Variants in COP1 observed in about 807,000 individuals in gnomAD.
COP1 encodes E3 ubiquitin-protein ligase COP1.
COP1 carries 24 observed loss-of-function variants against 101.3 expected under a neutral mutation model. The observed-to-expected ratio is 0.24, with a 90% CI of 0.17 to 0.33. COP1 has a LOEUF of 0.33. Among genes scored for constraint, COP1 ranks in the 10% least tolerant of loss-of-function variants. The pLI, the probability that COP1 is intolerant of heterozygous loss-of-function variation, is 1.00. For synonymous variants in COP1, 347 were observed against 341.9 expected, an observed-to-expected ratio of 1.01 and a Z score of -0.17; for missense variants, 663 against 906.2, an observed-to-expected ratio of 0.73 and a Z score of 3.45.
chr1:176,078,278 C>T (rs1307694306), intron 11 of COP1, among the ~76,000 whole-genome samples: 4 of 151,934 alleles, frequency 2.6e-5, no homozygotes, highest in Non-Finnish European at 5.9e-5. Flanking sequence ...AACAGTATGG[C>T]ACTGGTAGGT....
chr1:176,172,609 C>A (rs1197144630), intron 3 of COP1, among the ~76,000 whole-genome samples: 2 of 152,150 alleles, frequency 1.3e-5, no homozygotes, highest in African/African-American at 4.8e-5. Context: ...ATTACTTTAC[C>A]AGGCTAAGAG....
At chr1:176,180,306 T>A (rs1420445123) in intron 2 of COP1, among the ~76,000 whole-genome samples, 2 of 152,186 alleles carry the variant, frequency 1.3e-5, no homozygotes, top group Non-Finnish European at 2.9e-5. Flanking sequence ...CTGGATCATA[T>A]AAAACAAACT....
chr1:176,050,854 T>A (rs923075847), intron 11 of COP1, among the ~76,000 whole-genome samples: 2 of 152,192 alleles, frequency 1.3e-5, no homozygotes, highest in African/African-American at 4.8e-5. Context: ...ACCAGATAAT[T>A]CAAATTTAAG....
chr1:176,194,191 A>G (rs144449558), intron 1 of COP1, among the ~76,000 whole-genome samples: 88 of 152,332 alleles, frequency 5.8e-4, no homozygotes, highest in African/African-American at 2.0e-3. Context: ...AATCTTAAAA[A>G]TATCCAATTA....
intron 11 of COP1, among the ~76,000 whole-genome samples, chr1:176,049,783 GAACT>G (rs1454442943): frequency 6.6e-6 from 1 of 152,066 alleles, no homozygotes; most frequent in Non-Finnish European, 1.5e-5. Context: ...AAGCTTTCTA[GAACT>G]AATACAAAAC....
In COP1 at chr1:176,184,710, A is replaced by G; in HGVS notation, c.408-18T>C. 1 of 1,580,990 alleles carries G rather than the reference A, an allele frequency of 6.3e-7. No individual in the cohort carries two copies. The highest frequency in any genetic ancestry group is 2.2e-5 in the East Asian group (1 of 44,592). On this transcript the variant is annotated intron_variant, in intron 1 of 19. Transcript: ENST00000367669. ...AGATGGGGCTAAAAAGAAAAGAAAA[A>G]TAATTGATTTTTTTTTAAAAGTAGA...
rs1249755864 is a variant in COP1 at position 175,945,125 on chromosome 1, C to T, written c.*28G>A. ...AGCTGCAGATGTATTTCAGCAGGAT[C>T]AAGTACAATTTGACTTGAGTTAACC... On this transcript the variant is annotated 3_prime_UTR_variant, in exon 20 of 20. Transcript: ENST00000367669. 10 of 1,537,034 alleles carry T rather than the reference C, an allele frequency of 6.5e-6. No homozygotes were observed. Among genetic ancestry groups the T allele is most frequent in the South Asian group, 5.7e-5 (5 of 87,278 alleles).
At chr1:176,187,192 A>AT (rs939402376) in intron 1 of COP1, among the ~76,000 whole-genome samples, 2 of 151,980 alleles carry the variant, frequency 1.3e-5, no homozygotes, top group African/African-American at 4.8e-5. Flanking sequence ...TGGCATGATC[A>AT]TGACTCACTG....
chr1:176,161,737 G>A (rs763680578), intron 5 of COP1, among the ~76,000 whole-genome samples: 5 of 152,172 alleles, frequency 3.3e-5, no homozygotes, highest in African/African-American at 4.8e-5. Flanking sequence ...CTGGCAAACA[G>A]TAGATGCTAA....
intron 11 of COP1, among the ~76,000 whole-genome samples, chr1:176,056,807 CTG>C (rs1673579060): frequency 6.6e-6 from 1 of 151,966 alleles, no homozygotes; most frequent in East Asian, 1.9e-4. Flanking sequence ...CTTTTGTTTT[CTG>C]TGTTATTCTC....
intron 8 of COP1, among the ~76,000 whole-genome samples, chr1:176,131,997 A>G (rs568997168): frequency 4.6e-5 from 7 of 151,738 alleles, no homozygotes; most frequent in Non-Finnish European, 7.4e-5. Flanking sequence ...ATATTTTCAT[A>G]AACTTCATGA....
chr1:176,107,483 A>G (rs966157544), intron 9 of COP1, among the ~76,000 whole-genome samples: 4 of 152,254 alleles, frequency 2.6e-5, no homozygotes, highest in African/African-American at 9.6e-5. Context: ...AGGAGCTCCA[A>G]CTAGCCAAAT....
intron 11 of COP1, among the ~76,000 whole-genome samples, chr1:176,062,600 T>A (rs1410329091): frequency 2.0e-5 from 3 of 152,098 alleles, no homozygotes; most frequent in African/African-American, 7.2e-5. Flanking sequence ...GTTAAACACA[T>A]CCTAACCATA....
intron 1 of COP1, among the ~76,000 whole-genome samples, chr1:176,195,146 G>A (rs1699526981): frequency 6.8e-6 from 1 of 147,370 alleles, no homozygotes; most frequent in Admixed American, 6.8e-5. Flanking sequence ...AGAGGGAGAG[G>A]GAGAAGAGAG....
chr1:176,155,784 A>G (rs899843546), intron 5 of COP1, among the ~76,000 whole-genome samples: 3 of 152,098 alleles, frequency 2.0e-5, no homozygotes, highest in African/African-American at 7.2e-5. Context: ...ACGATATACT[A>G]GCTTTAGGAG....
chr1:176,004,954 A>G (rs1265062322), intron 15 of COP1, among the ~76,000 whole-genome samples: 1 of 151,824 alleles, frequency 6.6e-6, no homozygotes, highest in African/African-American at 2.4e-5. Flanking sequence ...TACCTCTGGT[A>G]GAATTCAGCT....
In COP1 at chr1:176,148,991, C is replaced by G. The variant is rs758401856; in HGVS notation, c.831+15G>C. The stretch of plus-strand genomic sequence containing the variant: ...AGTAAATAAAACATTATGTAAAACA[C>G]ACAAAATAATATACCTCTCTCTTAT... On this transcript the variant is annotated intron_variant, in intron 6 of 19. Coordinates refer to ENST00000367669, the MANE Select transcript of COP1 (RefSeq NM_022457.7). 1 of 1,495,590 alleles carries G rather than the reference C, an allele frequency of 6.7e-7. No individual in the cohort carries two copies. Among genetic ancestry groups the G allele is most frequent in the African/African-American group, 1.4e-5 (1 of 71,576 alleles). 92.6% of individuals were successfully genotyped at this position (1,495,590 alleles called of 1,614,324 possible). A position where few individuals can be genotyped will look rare whatever the true frequency, so the allele number is the denominator to read the frequency against.
intron 18 of COP1, among the ~76,000 whole-genome samples, chr1:175,979,205 T>C (rs1402964148): frequency 6.6e-6 from 1 of 152,124 alleles, no homozygotes; most frequent in Non-Finnish European, 1.5e-5. Context: ...CCCCAAAATA[T>C]GTATTCATGG....
intron 2 of COP1, among the ~76,000 whole-genome samples, chr1:176,178,567 G>C (rs1697288302): frequency 6.6e-6 from 1 of 152,096 alleles, no homozygotes; most frequent in South Asian, 2.1e-4. Flanking sequence ...AAAGATAAGA[G>C]ATGGCCGGGA....
Sources: gnomAD v4.1 joint callset for allele counts (sites outside exome capture counted in the v4.1 genomes callset) on GRCh38, gnomAD v4.1.1 for gene constraint, MANE v1.5 for transcripts, NCBI Gene and HGNC (gene_info 2026-07-23, HGNC 2026-07-21) for gene names.